LMNTD1: variants seen among roughly 807,000 people sequenced by gnomAD.
LMNTD1 encodes lamin tail domain containing 1.
In LMNTD1, 35 loss-of-function variants were observed where a neutral mutation model predicts 50.9. The observed-to-expected ratio is 0.69, with a 90% CI of 0.53 to 0.91. LMNTD1 has a LOEUF of 0.91. Among genes scored for constraint, LMNTD1 ranks in the 40% least tolerant of loss-of-function variants. LMNTD1 has a pLI of 0.00. For missense variants in LMNTD1, 470 were observed against 475.5 expected (o/e 0.99, Z 0.11); for synonymous variants, 153 against 161.9 (o/e 0.94, Z 0.42).
intron 1 of LMNTD1, among the ~76,000 whole-genome samples, chr12:25,644,203 T>C (rs1392068160): frequency 2.0e-5 from 3 of 151,252 alleles, no homozygotes; most frequent in Non-Finnish European, 4.4e-5. Context: ...AAGCCAGGTG[T>C]GATGGCTCAT....
At position 25,491,776 on chromosome 12, in the gene LMNTD1, AC is replaced by A. The variant is rs549022005; in HGVS notation, c.*22+11961del. On this transcript the variant is annotated intron_variant, in intron 9 of 9. Transcript: ENST00000458174. ...GGTCATTAGTGACCAGGGAAGCTTAACCCCTAAACAATCAACATTCCTCAGA... is the reference window on the plus strand; with the variant it reads ...GGTCATTAGTGACCAGGGAAGCTTAACCCTAAACAATCAACATTCCTCAGA... 2.0e-5 allele frequency among the ~76,000 whole-genome samples: 3 copies of A among 152,318 alleles called. No individual in the cohort carries two copies. The South Asian group carries it at 6.2e-4, about 32-fold the overall frequency.
chr12:25,479,515 G>C (rs2135902673), intron 9 of LMNTD1, among the ~76,000 whole-genome samples: 1 of 152,294 alleles, frequency 6.6e-6, no homozygotes, highest in Non-Finnish European at 1.5e-5. Flanking sequence ...CCATTCCACT[G>C]TTTTATCAAT....
intron 1 of LMNTD1, among the ~76,000 whole-genome samples, chr12:25,636,696 A>C (rs1328425369): frequency 2.6e-5 from 4 of 152,214 alleles, no homozygotes; most frequent in South Asian, 2.1e-4. Context: ...TGTTAATAGC[A>C]GCACAATTCA....
intron 1 of LMNTD1, among the ~76,000 whole-genome samples, chr12:25,577,509 C>T (rs147483108): frequency 6.2e-4 from 89 of 143,468 alleles, no homozygotes; most frequent in African/African-American, 2.3e-3. Context: ...TTGGTGAATG[C>T]TTGTGAATTT....
At chr12:25,512,479 G>A (rs1482101898) in intron 8 of LMNTD1, among the ~76,000 whole-genome samples, 2 of 152,130 alleles carry the variant, frequency 1.3e-5, no homozygotes, top group Non-Finnish European at 2.9e-5. Flanking sequence ...ATTTGGGGAA[G>A]TGGGTAGAGA....
chr12:25,489,956 T>C (rs1416365873), intron 9 of LMNTD1, among the ~76,000 whole-genome samples: 1 of 152,212 alleles, frequency 6.6e-6, no homozygotes, highest in Non-Finnish European at 1.5e-5. Context: ...AAAACGGTAC[T>C]GATAAAAATC....
intron 1 of LMNTD1, among the ~76,000 whole-genome samples, chr12:25,627,534 C>A (rs1025794933): frequency 2.0e-5 from 3 of 152,140 alleles, no homozygotes; most frequent in African/African-American, 7.2e-5. Flanking sequence ...GAAGGGATCA[C>A]GCTTTGTAAA....
chr12:25,527,681 TACACACACACAC>T (rs376707066), intron 4 of LMNTD1, among the ~76,000 whole-genome samples: 621 of 32,138 alleles, frequency 0.019, 14 homozygotes, highest in South Asian at 0.046. Flanking sequence ...TATATATATA[TACACACACACAC>T]ACACACACAC....
At chr12:25,648,433 G>T in intron 1 of LMNTD1, 2 of 1,355,006 alleles carry the variant, frequency 1.5e-6, no homozygotes, top group Non-Finnish European at 2.1e-6. Context: ...GTATAAAAAG[G>T]AAATGAGGGA....
intron 9 of LMNTD1, among the ~76,000 whole-genome samples, chr12:25,493,141 A>G (rs1210632444): frequency 1.3e-5 from 2 of 152,182 alleles, no homozygotes; most frequent in Non-Finnish European, 2.9e-5. Flanking sequence ...ATGATTCTTT[A>G]AATATTTGAT....
chr12:25,534,297 C>T (rs949424152), intron 4 of LMNTD1, among the ~76,000 whole-genome samples: 2 of 152,128 alleles, frequency 1.3e-5, no homozygotes, highest in African/African-American at 4.8e-5. Context: ...TGACTTTAGC[C>T]TTCCATCTGA....
chr12:25,499,053 G>C (rs1055320060), intron 9 of LMNTD1, among the ~76,000 whole-genome samples: 21 of 152,186 alleles, frequency 1.4e-4, no homozygotes, highest in Non-Finnish European at 2.9e-4. Context: ...ATGCACGACA[G>C]TAACAGCAGG....
intron 4 of LMNTD1, among the ~76,000 whole-genome samples, chr12:25,529,657 C>T (rs1211025940): frequency 6.6e-6 from 1 of 152,172 alleles, no homozygotes; most frequent in African/African-American, 2.4e-5. Flanking sequence ...CTGTGAGACA[C>T]TGAATCAACA....
chr12:25,538,372 C>G (rs1942773597), intron 4 of LMNTD1, among the ~76,000 whole-genome samples: 1 of 151,404 alleles, frequency 6.6e-6, no homozygotes, highest in African/African-American at 2.4e-5. Context: ...AACAGCGGAT[C>G]TCTAGGCAGA....
intron 4 of LMNTD1, 57 bp from the exon 5 acceptor site, chr12:25,527,012 C>G: frequency 7.9e-7 from 1 of 1,262,744 alleles, no homozygotes; most frequent in Non-Finnish European, 1.1e-6. Flanking sequence ...GTCTTTGACT[C>G]ACTTTAAGAA....
At chr12:25,612,988 C>A (rs940059782) in intron 1 of LMNTD1, among the ~76,000 whole-genome samples, 6 of 152,022 alleles carry the variant, frequency 3.9e-5, no homozygotes, top group Non-Finnish European at 8.8e-5. Flanking sequence ...GGGATGATGG[C>A]AGCAGCAGGA....
At position 25,553,188 on chromosome 12, in the gene LMNTD1, G is replaced by T; in HGVS notation, c.-150C>A. ...ACCAACATAGCCAATCCTGATCTTG[G>T]CTAAGGATGTCGGACAAACCATGGT... On this transcript the variant is annotated 5_prime_UTR_variant, in exon 1 of 10. Coordinates refer to ENST00000458174, the MANE Select transcript of LMNTD1 (RefSeq NM_001145728.2). The T allele has an allele frequency of 6.3e-7, 1 of 1,591,414 alleles. No individual in the cohort carries two copies. Among genetic ancestry groups the T allele is most frequent in the South Asian group, 1.2e-5 (1 of 85,968 alleles).
In LMNTD1 at chr12:25,576,039, C is replaced by G. The variant is rs1592054034; in HGVS notation, c.59-29485G>C. 3.3e-5 allele frequency among the ~76,000 whole-genome samples: 5 copies of G among 152,284 alleles called. No homozygotes were observed. In the South Asian group the frequency reaches 1.0e-3, roughly 32 times the overall value. On this transcript the variant is annotated intron_variant, in intron 1 of 7. Coordinates refer to the LMNTD1 transcript ENST00000445693. ...AGGAACTCATCCTTTTTTATGGCTG[C>G]ATAGTATTCCATGGTGTATATGTGC...
intron 1 of LMNTD1, among the ~76,000 whole-genome samples, chr12:25,593,413 C>T (rs1322191501): frequency 3.9e-5 from 6 of 152,158 alleles, no homozygotes; most frequent in Non-Finnish European, 8.8e-5. Flanking sequence ...CCAGTACCAG[C>T]CTGGAGCCTT....
Sources: allele counts gnomAD v4.1 joint callset (sites outside exome capture counted in the v4.1 genomes callset), GRCh38; gene constraint gnomAD v4.1.1; transcripts MANE v1.5; gene names NCBI Gene and HGNC (gene_info 2026-07-23, HGNC 2026-07-21).